The following MME variants were observed in gnomAD, a reference collection of about 807,000 sequenced individuals.
The protein encoded by MME is membrane metalloendopeptidase, also known as neprilysin.
MME carries 98 observed loss-of-function variants against 113.2 expected under a neutral mutation model. The ratio of observed to expected loss-of-function variants is 0.87; its 90% CI spans 0.74 to 1.02. The LOEUF is 1.02. Among genes scored for constraint, MME ranks in the 50% least tolerant of loss-of-function variants. The pLI is 0.00. For missense variants in MME, 836 were observed against 896.0 expected (o/e 0.93, Z 0.86); for synonymous variants, 292 against 300.6 (o/e 0.97, Z 0.30).
intron 16 of MME, among the ~76,000 whole-genome samples, chr3:155,151,013 G>A (rs1003691532): frequency 1.3e-5 from 2 of 152,042 alleles, no homozygotes; most frequent in Non-Finnish European, 2.9e-5. Flanking sequence ...TGGACATGGT[G>A]GCTCAGGCCT....
chr3:155,141,327 G>A (rs1208340456), intron 10 of MME, among the ~76,000 whole-genome samples: 1 of 152,136 alleles, frequency 6.6e-6, no homozygotes, highest in Non-Finnish European at 1.5e-5. Flanking sequence ...CTCAGTAAGT[G>A]ATGTGTGCTT....
chr3:155,106,011 A>G (rs1717653441), intron 3 of MME, among the ~76,000 whole-genome samples: 1 of 152,200 alleles, frequency 6.6e-6, no homozygotes, highest in Admixed American at 6.5e-5. Context: ...TGTTGTATGT[A>G]TAAGACCTAT....
Position 155,180,698 on chromosome 3 carries a change from T to G in MME, c.*239T>G. The stretch of plus-strand genomic sequence containing the variant: ...TCTCACTGTGTACATAATGCTTAAT[T>G]TCTAAAGATAATATTACTGTTTATT... On this transcript the variant is annotated 3_prime_UTR_variant, in exon 23 of 23. Coordinates refer to ENST00000360490, the MANE Select transcript of MME (RefSeq NM_007289.4). 1 of 489,092 alleles carries G rather than the reference T, an allele frequency of 2.0e-6. No homozygotes were observed. Among genetic ancestry groups the G allele is most frequent in the Non-Finnish European group, 3.8e-6 (1 of 266,262 alleles). The allele number at this position is 489,092 out of a possible 1,614,324, so 30.3% of individuals were successfully genotyped here.
Position 155,045,175 on chromosome 3 carries a change from G to A in MME, c.-11+20851G>A, listed in dbSNP as rs556354143. Among the ~76,000 whole-genome samples, 51 of 147,848 alleles carry A rather than the reference G, an allele frequency of 3.4e-4. No homozygotes were observed. In the South Asian group the frequency reaches 4.7e-3, roughly 14 times the overall value. On this transcript the variant is annotated intron_variant, in intron 1 of 22. Transcript: ENST00000492661. ...AAAGACTTTTTTTTTTTTTTCAGAC[G>A]GAGTCTCGCTCTGTCGCCAGGCTGG...
intron 8 of MME, among the ~76,000 whole-genome samples, chr3:155,133,022 C>A (rs1013499522): frequency 5.9e-4 from 36 of 60,962 alleles, no homozygotes; most frequent in Non-Finnish European, 1.0e-3. Context: ...CCCTGGGCAA[C>A]AAGAGCAAAC....
At chr3:155,072,085 C>T (rs1714584363) in intron 1 of MME, among the ~76,000 whole-genome samples, 2 of 137,552 alleles carry the variant, frequency 1.5e-5, no homozygotes, top group Non-Finnish European at 1.5e-5. Flanking sequence ...GGCATGAACC[C>T]GGGAAGCGGA....
At chr3:155,057,312 A>C (rs1173155515) in intron 1 of MME, among the ~76,000 whole-genome samples, 1 of 152,202 alleles carries the variant, frequency 6.6e-6, no homozygotes, top group Non-Finnish European at 1.5e-5. Context: ...TTCTCAAAAG[A>C]AGACATTTAT....
chr3:155,142,742 C>A (rs746653571), intron 12 of MME, among the ~76,000 whole-genome samples: 4 of 152,006 alleles, frequency 2.6e-5, no homozygotes, highest in Non-Finnish European at 4.4e-5. Context: ...TTGAAAGTAC[C>A]CCTACCTGGA....
At chr3:155,086,288 G>C (rs1715716592) in intron 3 of MME, among the ~76,000 whole-genome samples, 1 of 152,188 alleles carries the variant, frequency 6.6e-6, no homozygotes. Context: ...GGACTAAAGA[G>C]AATGGAGGCA....
chr3:155,106,104 G>T (rs1350160573), intron 3 of MME, among the ~76,000 whole-genome samples: 3 of 152,104 alleles, frequency 2.0e-5, no homozygotes, highest in Non-Finnish European at 4.4e-5. Flanking sequence ...GCAAAAATAG[G>T]TCTCCTTACT....
intron 1 of MME, among the ~76,000 whole-genome samples, chr3:155,045,811 G>T (rs554994031): frequency 6.6e-6 from 1 of 151,398 alleles, no homozygotes; most frequent in East Asian, 1.9e-4. Context: ...AGCTTCTTAA[G>T]GTGGGATATT....
At chr3:155,116,608 T>TATATATATATA (rs776428703) in intron 5 of MME, 49 bp downstream of exon 5, 12 of 977,528 alleles carry the variant, frequency 1.2e-5, no homozygotes, top group Admixed American at 1.1e-4. Context: ...ATATATATAT[T>TATATATATATA]GGTGCCAAAC....
At chr3:155,063,158 T>TA (rs1263114228) in intron 1 of MME, among the ~76,000 whole-genome samples, 16 of 135,250 alleles carry the variant, frequency 1.2e-4, no homozygotes, top group African/African-American at 1.4e-4. Flanking sequence ...ATTTATGTTG[T>TA]ATAATTATAT....
chr3:155,096,516 C>T (rs1243441258), intron 3 of MME, among the ~76,000 whole-genome samples: 1 of 152,160 alleles, frequency 6.6e-6, no homozygotes, highest in African/African-American at 2.4e-5. Context: ...AAAGTGAATG[C>T]ACTTCCTTCT....
At chr3:155,136,970 T>C (rs1205137781) in intron 8 of MME, among the ~76,000 whole-genome samples, 1 of 152,178 alleles carries the variant, frequency 6.6e-6, no homozygotes, top group Non-Finnish European at 1.5e-5. Flanking sequence ...TGCTAATAGG[T>C]AATAATGGCT....
At chr3:155,084,635 T>A (rs1047075837) in intron 2 of MME, among the ~76,000 whole-genome samples, 7 of 152,334 alleles carry the variant, frequency 4.6e-5, no homozygotes, top group Non-Finnish European at 7.3e-5. Context: ...TTAGTAATAG[T>A]CATTAGTCAA....
chr3:155,122,203 G>A (rs1466435323), intron 8 of MME, among the ~76,000 whole-genome samples: 2,668 of 151,432 alleles, frequency 0.018, 70 homozygotes, highest in African/African-American at 0.06. Flanking sequence ...GTTTATTTGC[G>A]TAGAGGTGTT....
Position 155,138,099 on chromosome 3 carries a change from C to A in MME, c.721-3C>A, listed in dbSNP as rs368924551. 1 of 1,613,412 alleles carries A rather than the reference C, an allele frequency of 6.2e-7. No individual in the cohort carries two copies. The highest frequency in any genetic ancestry group is 8.5e-7 in the Non-Finnish European group (1 of 1,179,642). Reference sequence around the variant, plus strand: ...ACAGTTTAGTGCTATTTTTTTCTTGCAGGCTTGTACAGCATATGTGGATTT... The same window carrying A: ...ACAGTTTAGTGCTATTTTTTTCTTGAAGGCTTGTACAGCATATGTGGATTT... On this transcript the variant is annotated splice_region_variant and splice_polypyrimidine_tract_variant and intron_variant, in intron 8 of 22. Coordinates refer to ENST00000360490, the MANE Select transcript of MME (RefSeq NM_007289.4).
intron 3 of MME, among the ~76,000 whole-genome samples, chr3:155,094,473 A>G (rs962601356): frequency 6.6e-6 from 1 of 152,246 alleles, no homozygotes; most frequent in Non-Finnish European, 1.5e-5. Flanking sequence ...AAAATTGCAA[A>G]TGCACTATTT....
Sources: allele counts gnomAD v4.1 joint callset (sites outside exome capture counted in the v4.1 genomes callset), GRCh38; gene constraint gnomAD v4.1.1; transcripts MANE v1.5; gene names NCBI Gene and HGNC (gene_info 2026-07-23, HGNC 2026-07-21).